Variants in COL12A1 observed in about 807,000 individuals in gnomAD.
COL12A1 encodes collagen type XII alpha 1 chain.
COL12A1 carries 114 observed loss-of-function variants against 349.7 expected under a neutral mutation model. That is an observed-to-expected ratio of 0.33 (90% confidence interval 0.28 to 0.38). The LOEUF is 0.38. COL12A1 is among the 10% of genes least tolerant of loss of function. The probability of loss-of-function intolerance (pLI) is 1.00; values close to 1 mark genes in which losing one functional copy is unlikely to be tolerated. For missense variants in COL12A1, 3,284 were observed against 3,756.9 expected, an observed-to-expected ratio of 0.87 and a Z score of 3.29; for synonymous variants, 1,369 against 1,329.0, an observed-to-expected ratio of 1.03 and a Z score of -0.66.
chr6:75,097,337 G>A, intron 58 of COL12A1, 31 bp from the exon 59 acceptor site: 1 of 1,588,310 alleles, frequency 6.3e-7, no homozygotes, highest in Non-Finnish European at 8.6e-7. Flanking sequence ...ATTACAGTTA[G>A]GGAGGTCATA....
intron 21 of COL12A1, among the ~76,000 whole-genome samples, chr6:75,150,369 A>C (rs149259331): frequency 4.6e-5 from 7 of 152,288 alleles, no homozygotes; most frequent in African/African-American, 1.4e-4. Flanking sequence ...TTCCTTAGCT[A>C]TATCTACTTT....
At chr6:75,152,599 C>T (rs1424390595) in intron 17 of COL12A1, 117 bp from the exon 18 acceptor site, 1 of 1,130,410 alleles carries the variant, frequency 8.8e-7, no homozygotes, top group African/African-American at 1.5e-5. Flanking sequence ...GTACTATGGT[C>T]TAGCTCAGTG....
intron 30 of COL12A1, among the ~76,000 whole-genome samples, chr6:75,137,901 A>G (rs1484558777): frequency 2.0e-5 from 3 of 152,004 alleles, no homozygotes; most frequent in Non-Finnish European, 4.4e-5. Context: ...TTGTAAGAAG[A>G]GACATGAGAG....
chr6:75,117,714 G>A (rs1197212797), intron 46 of COL12A1, 168 bp from the exon 47 acceptor site: 4 of 589,676 alleles, frequency 6.8e-6, no homozygotes, highest in Non-Finnish European at 1.1e-5. Flanking sequence ...CTTTTTCCAG[G>A]TCTTTCTATT....
intron 27 of COL12A1, among the ~76,000 whole-genome samples, chr6:75,141,294 G>A (rs1766879073): frequency 6.6e-6 from 1 of 152,170 alleles, no homozygotes; most frequent in South Asian, 2.1e-4. Context: ...TGAGCAAAAT[G>A]TCTCTTCCTT....
chr6:75,149,715 C>T (rs1231859975), intron 21 of COL12A1, among the ~76,000 whole-genome samples: 1 of 152,096 alleles, frequency 6.6e-6, no homozygotes, highest in Non-Finnish European at 1.5e-5. Flanking sequence ...CTGGGGAAAG[C>T]CTTTCCATTC....
chr6:75,153,509 C>CA (rs1562236688), intron 17 of COL12A1, among the ~76,000 whole-genome samples: 4 of 151,930 alleles, frequency 2.6e-5, no homozygotes, highest in African/African-American at 9.7e-5. Flanking sequence ...CAGTTTATTA[C>CA]AAGGTTAGCA....
intron 8 of COL12A1, among the ~76,000 whole-genome samples, chr6:75,185,386 T>G (rs916823248): frequency 1.3e-5 from 2 of 152,010 alleles, no homozygotes; most frequent in Non-Finnish European, 2.9e-5. Context: ...TTGTGAATAA[T>G]AGAATAAAAT....
chr6:75,108,949 AGTT>A (rs1288149821), intron 52 of COL12A1, 66 bp downstream of exon 52: 4 of 1,449,398 alleles, frequency 2.8e-6, no homozygotes, highest in Non-Finnish European at 3.8e-6. Context: ...AAACTCAAGG[AGTT>A]GTTTAGAAAA....
At chr6:75,126,259 G>A in intron 39 of COL12A1, 92 bp downstream of exon 39, 1 of 1,424,062 alleles carries the variant, frequency 7.0e-7, no homozygotes, top group Non-Finnish European at 9.4e-7. Context: ...GAACTCTCAG[G>A]AGAACCCAAC....
chr6:75,116,192 T>G, intron 47 of COL12A1, 135 bp from the exon 48 acceptor site: 1 of 822,108 alleles, frequency 1.2e-6, no homozygotes, highest in Non-Finnish European at 1.9e-6. Context: ...CTCAATTTAA[T>G]ATTTTATACA....
chr6:75,195,053 A>G (rs549022784), intron 2 of COL12A1, 106 bp from the exon 3 acceptor site: 1 of 634,886 alleles, frequency 1.6e-6, no homozygotes, highest in East Asian at 2.8e-5. Flanking sequence ...TTGTCTTTGC[A>G]TAAATTTGTT....
chr6:75,145,334 T>C lies in COL12A1; in HGVS notation c.4682A>G (p.Glu1561Gly), dbSNP rs944222774. 2 of 1,608,162 alleles carry C rather than the reference T, an allele frequency of 1.2e-6. No individual in the cohort carries two copies. The highest frequency in any genetic ancestry group is 2.7e-5 in the African/African-American group (2 of 74,936). The change falls in exon 25 of 66, where the codon GAA (glutamate) becomes GGA (glycine). Residue 1561 changes from glutamate (E) to glycine (G), a missense_variant. By Grantham distance (98) the Glu-to-Gly change is moderately conservative. Coordinates refer to ENST00000322507, the MANE Select transcript of COL12A1 (RefSeq NM_004370.6). ...ACTAAGCAGTAGCTTACAGGTGACT[T>C]CCCGAACAGTGACAGGTTCACTAGT... is the stretch of plus-strand genomic sequence containing the variant. ...DLTSEPVTVR[E>G]VTLPLPRPQD... is the part of the protein sequence containing the mutation.
chr6:75,138,246 TC>T, intron 30 of COL12A1, 73 bp downstream of exon 30: 1 of 1,420,664 alleles, frequency 7.0e-7, no homozygotes, highest in South Asian at 1.3e-5. Context: ...TTATTATGTA[TC>T]TTATGGTACT....
chr6:75,122,165 A>T (rs1250273116), intron 43 of COL12A1, among the ~76,000 whole-genome samples: 1 of 152,242 alleles, frequency 6.6e-6, no homozygotes, highest in African/African-American at 2.4e-5. Context: ...ATTTAAATTA[A>T]GCCACTAGAA....
intron 39 of COL12A1, among the ~76,000 whole-genome samples, chr6:75,125,599 T>C (rs1471607778): frequency 1.3e-5 from 2 of 152,136 alleles, no homozygotes; most frequent in African/African-American, 4.8e-5. Context: ...ATATAGTAGG[T>C]GTCCAACTGA....
At chr6:75,171,336 T>C (rs1582172058) in intron 13 of COL12A1, among the ~76,000 whole-genome samples, 4 of 152,198 alleles carry the variant, frequency 2.6e-5, no homozygotes, top group African/African-American at 9.6e-5. Flanking sequence ...CAGCCAACCA[T>C]GAACTTCCCC....
intron 8 of COL12A1, 87 bp from the exon 9 acceptor site, chr6:75,184,231 T>A: frequency 7.5e-7 from 1 of 1,328,122 alleles, no homozygotes; most frequent in Non-Finnish European, 1.0e-6. Context: ...TCAAATCTCC[T>A]TATTCAAATT....
At chr6:75,134,075 C>G (rs1482775873) in intron 32 of COL12A1, 78 bp from the exon 33 acceptor site, 3 of 1,488,210 alleles carry the variant, frequency 2.0e-6, no homozygotes, top group Non-Finnish European at 2.7e-6. Context: ...CTGATATCTC[C>G]CAGGCACCCT....
Sources: allele counts gnomAD v4.1 joint callset (sites outside exome capture counted in the v4.1 genomes callset), GRCh38; gene constraint gnomAD v4.1.1; transcripts MANE v1.5; gene names NCBI Gene and HGNC (gene_info 2026-07-23, HGNC 2026-07-21).